SOS1: variants seen among roughly 807,000 people sequenced by gnomAD.
SOS1 encodes the protein son of sevenless homolog 1.
SOS1 carries 25 observed loss-of-function variants against 157.6 expected under a neutral mutation model. The observed-to-expected ratio is 0.16, with a 90% CI of 0.12 to 0.22. The LOEUF (loss-of-function observed/expected upper bound fraction) is 0.22, where lower values mean the gene tolerates loss of function less well. SOS1 is among the 10% of genes least tolerant of loss of function. The pLI, the probability that SOS1 is intolerant of heterozygous loss-of-function variation, is 1.00. For missense variants in SOS1, 1,237 were observed against 1,599.1 expected (o/e 0.77, Z 3.86); for synonymous variants, 528 against 534.0 (o/e 0.99, Z 0.16).
At chr2:39,036,718 C>A (rs1237370361) in intron 6 of SOS1, among the ~76,000 whole-genome samples, 2 of 152,024 alleles carry the variant, frequency 1.3e-5, no homozygotes, top group Non-Finnish European at 2.9e-5. Flanking sequence ...GGATTACAGG[C>A]ATCCGCCACC....
chr2:39,036,345 T>A (rs1224009221), intron 6 of SOS1, among the ~76,000 whole-genome samples: 1 of 152,144 alleles, frequency 6.6e-6, no homozygotes, highest in Non-Finnish European at 1.5e-5. Context: ...ATGTTATTTT[T>A]CAGATTGCTT....
Position 39,014,774 on chromosome 2 carries a change from A to G in SOS1, c.1931T>C (p.Ile644Thr), listed in dbSNP as rs769891933. Residue 644 changes from isoleucine (I) to threonine (T), a missense_variant, in exon 11 of 23, where the codon ATA becomes ACA. Coordinates refer to ENST00000402219, the MANE Select transcript of SOS1 (RefSeq NM_005633.4). ...TTTTAAATGGACAGACCTTTCTATT[A>G]TAAGACTCAGTAGTTCTTGAGGTTT... is the stretch of plus-strand genomic sequence containing the variant. ...FCKPQELLSL[I>T]IERFEIPEPE... 1.3e-6 allele frequency: 2 copies of G among 1,544,708 alleles called. No homozygotes were observed. Among genetic ancestry groups the G allele is most frequent in the South Asian group, 1.1e-5 (1 of 88,978 alleles).
chr2:38,995,767 A>G (rs925075299), intron 19 of SOS1, among the ~76,000 whole-genome samples: 1 of 152,206 alleles, frequency 6.6e-6, no homozygotes, highest in African/African-American at 2.4e-5. Context: ...GTGAATTACA[A>G]TACCTTTCTA....
intron 15 of SOS1, among the ~76,000 whole-genome samples, chr2:39,007,723 C>G (rs1669325705): frequency 6.6e-6 from 1 of 152,106 alleles, no homozygotes; most frequent in Admixed American, 6.6e-5. Context: ...TTGCACCAAC[C>G]TAATATATAA....
intron 1 of SOS1, among the ~76,000 whole-genome samples, chr2:39,094,109 A>G (rs942447725): frequency 2.0e-5 from 3 of 152,188 alleles, no homozygotes; most frequent in Non-Finnish European, 2.9e-5. Flanking sequence ...TTTGCAAAAA[A>G]TACTAAACAA....
intron 1 of SOS1, among the ~76,000 whole-genome samples, chr2:39,111,302 T>C (rs1186052734): frequency 6.6e-6 from 1 of 152,150 alleles, no homozygotes; most frequent in Non-Finnish European, 1.5e-5. Context: ...AGAGCAAACA[T>C]AATAAAATTG....
Position 38,983,300 on chromosome 2 carries a change from G to C in SOS1, c.*2524C>G, listed in dbSNP as rs993013185. The C allele has an allele frequency of 8.5e-5, 13 of 152,062 alleles. No individual in the cohort carries two copies. The highest frequency in any genetic ancestry group is 2.9e-4 in the African/African-American group (12 of 41,398). The allele number at this position is 152,062 out of a possible 1,614,324, so 9.4% of individuals were successfully genotyped here. On this transcript the variant is annotated 3_prime_UTR_variant, in exon 23 of 23. Transcript: ENST00000402219. ...TCAACTAGTTAATGTTTCATATTGA[G>C]AAGAAGGCAAGGATGCCATTTTCTC...
intron 1 of SOS1, among the ~76,000 whole-genome samples, chr2:39,075,756 G>T (rs989827566): frequency 6.6e-6 from 1 of 151,976 alleles, no homozygotes; most frequent in Admixed American, 6.6e-5. Flanking sequence ...AAATACTACT[G>T]TATTATACAC....
chr2:39,084,965 T>C (rs1410804708), intron 1 of SOS1, among the ~76,000 whole-genome samples: 1 of 152,198 alleles, frequency 6.6e-6, no homozygotes, highest in East Asian at 1.9e-4. Context: ...ATCAATGATG[T>C]CCTGACACAG....
chr2:39,124,298 G>A (rs1674000341), upstream of SOS1: 1 of 152,376 alleles, frequency 6.6e-6, no homozygotes, highest in African/African-American at 2.4e-5. Context: ...CAGCCCCTCA[G>A]CTTTTACCGC....
rs894995415 is a variant in SOS1 at position 38,985,057 on chromosome 2, A to T, written c.*767T>A. The stretch of plus-strand genomic sequence containing the variant: ...AATGCAAATAGAATAGTTGACAGTT[A>T]TTTTTTTTTAAAAAGTTCTTCTGTC... On this transcript the variant is annotated 3_prime_UTR_variant, in exon 23 of 23. Transcript: ENST00000402219. 1.3e-5 allele frequency: 2 copies of T among 151,768 alleles called. No individual in the cohort carries two copies. Among genetic ancestry groups the T allele is most frequent in the Non-Finnish European group, 2.9e-5 (2 of 67,856 alleles). The allele number at this position is 151,768 out of a possible 1,614,324, so 9.4% of individuals were successfully genotyped here.
rs528494168 is a variant in SOS1 at position 39,086,290 on chromosome 2, G to GA, written c.88-18538dup. Among the ~76,000 whole-genome samples the GA allele has an allele frequency of 1.5e-3, 235 of 152,314 alleles. 2 individuals carry two copies. Among genetic ancestry groups the GA allele is most frequent in the African/African-American group, 5.1e-3 (213 of 41,576 alleles). ...CAAAGGAAGCAGACTATATACAAGT[G>GA]AAGGGAAGAGTAAAGGAAATGAAAT... On this transcript the variant is annotated intron_variant, in intron 1 of 22. Transcript: ENST00000402219.
At chr2:39,089,102 T>C (rs1461312306) in intron 1 of SOS1, among the ~76,000 whole-genome samples, 1 of 152,152 alleles carries the variant, frequency 6.6e-6, no homozygotes, top group Admixed American at 6.5e-5. Flanking sequence ...ACAAAACACC[T>C]CTCGTGATAC....
intron 11 of SOS1, among the ~76,000 whole-genome samples, chr2:39,014,225 CAAAAT>C (rs756561902): frequency 8.6e-5 from 13 of 151,822 alleles, no homozygotes; most frequent in Non-Finnish European, 1.8e-4. Context: ...TAACTACAAA[CAAAAT>C]AAAGAATACA....
At chr2:39,102,530 CAAAAAAAAAA>C (rs70954782) in intron 1 of SOS1, among the ~76,000 whole-genome samples, 3 of 50,604 alleles carry the variant, frequency 5.9e-5, no homozygotes, top group East Asian at 1.4e-3. Flanking sequence ...GACTCCATCT[CAAAAAAAAAA>C]AAAAAAAAAA....
rs986885596 is a variant in SOS1 at position 38,991,565 on chromosome 2, A to C, written c.3347-2251T>G. Among the ~76,000 whole-genome samples, 9 of 152,330 alleles carry C rather than the reference A, an allele frequency of 5.9e-5. No homozygotes were observed. The South Asian group carries it at 1.7e-3, about 28-fold the overall frequency. ...TCTTTTCTCAGCAACTGTCGTCATC[A>C]CCTCAAAGGTGGACCTGGCCAGGGC... On this transcript the variant is annotated intron_variant, in intron 20 of 22. Transcript: ENST00000402219.
chr2:39,029,121 T>C (rs1670071499), intron 8 of SOS1, among the ~76,000 whole-genome samples: 2 of 152,216 alleles, frequency 1.3e-5, no homozygotes, highest in Admixed American at 1.3e-4. Context: ...TATTATTTTA[T>C]GGTACCAGCA....
Position 39,013,538 on chromosome 2 carries a change from C to T in SOS1, c.2089G>A (p.Val697Ile), listed in dbSNP as rs966388444. The T allele has an allele frequency of 1.2e-6, 2 of 1,610,260 alleles. No homozygotes were observed. Among genetic ancestry groups the T allele is most frequent in the East Asian group, 2.2e-5 (1 of 44,800 alleles). ...LRVLNVCRHW[V>I]EHHFYDFERD... ...TCAAAATCATAGAAGTGGTGCTCTA[C>T]CCAGTGCCGACATACATTTAATACT... Residue 697 changes from valine to isoleucine, a missense_variant, in exon 13 of 23, where the codon GTA becomes ATA. By Grantham distance (29) the Val-to-Ile change is conservative (BLOSUM62 3). This residue lies in a region of SOS1 where 42 missense variants were observed against 80.4 expected (regional missense o/e 0.52). Transcript: ENST00000402219.
chr2:39,036,273 T>C (rs374155130), intron 6 of SOS1, among the ~76,000 whole-genome samples: 10 of 152,108 alleles, frequency 6.6e-5, no homozygotes, highest in South Asian at 4.1e-4. Flanking sequence ...TGGAGGAGCA[T>C]AGTAGAAAAA....
Sources: gnomAD v4.1 joint callset for allele counts (sites outside exome capture counted in the v4.1 genomes callset) on GRCh38, gnomAD v4.1.1 for gene constraint, gnomAD v4.1.1 regional missense constraint, MANE v1.5 for transcripts, NCBI Gene and HGNC (gene_info 2026-07-23, HGNC 2026-07-21) for gene names.